Variants in LMOD1 observed in about 807,000 individuals in gnomAD.
LMOD1 encodes leiomodin-1.
Under a neutral mutation model 36.5 loss-of-function variants are expected in LMOD1, and 8 were observed. The observed-to-expected ratio is 0.22, with a 90% CI of 0.13 to 0.40. LMOD1 has a LOEUF of 0.40. Ranked by LOEUF, LMOD1 falls within the 10% of genes least tolerant of loss-of-function variation. The probability of loss-of-function intolerance (pLI) is 1.00; values close to 1 mark genes in which losing one functional copy is unlikely to be tolerated. For missense variants in LMOD1, 630 were observed against 751.1 expected, an observed-to-expected ratio of 0.84 and a Z score of 1.88; for synonymous variants, 284 against 288.7, an observed-to-expected ratio of 0.98 and a Z score of 0.17.
chr1:201,925,941 T>A (rs974223159), intron 1 of LMOD1, among the ~76,000 whole-genome samples: 1 of 152,104 alleles, frequency 6.6e-6, no homozygotes, highest in Non-Finnish European at 1.5e-5. Context: ...CTCGAACTCC[T>A]GGGCTCAAGC....
At chr1:201,943,982 TC>T (rs1172877203) in intron 1 of LMOD1, among the ~76,000 whole-genome samples, 2 of 152,332 alleles carry the variant, frequency 1.3e-5, no homozygotes, top group African/African-American at 2.4e-5. Flanking sequence ...TAGGGTTCAT[TC>T]TCACCCAGAT....
At chr1:201,903,077 A>T (rs765514710) in intron 1 of LMOD1, among the ~76,000 whole-genome samples, 2 of 152,124 alleles carry the variant, frequency 1.3e-5, no homozygotes, top group Non-Finnish European at 2.9e-5. Context: ...GAGGGCAGGG[A>T]AGAAAGGAAA....
At chr1:201,908,023 G>T (rs72744807) in intron 1 of LMOD1, among the ~76,000 whole-genome samples, 13,020 of 152,070 alleles carry the variant, frequency 0.086, 669 homozygotes, top group East Asian at 0.13. Flanking sequence ...AAGAGCTACC[G>T]CTTCAGCCAA....
chr1:201,911,033 C>T (rs1172062445), intron 1 of LMOD1, among the ~76,000 whole-genome samples: 1 of 152,090 alleles, frequency 6.6e-6, no homozygotes, highest in African/African-American at 2.4e-5. Flanking sequence ...CCCACGGTCA[C>T]AGTGATACAC....
intron 1 of LMOD1, among the ~76,000 whole-genome samples, chr1:201,924,083 G>A (rs1398636419): frequency 1.3e-5 from 2 of 151,680 alleles, no homozygotes; most frequent in Non-Finnish European, 2.9e-5. Context: ...TTGGGAGGCC[G>A]AGGCGGGCAG....
intron 1 of LMOD1, among the ~76,000 whole-genome samples, chr1:201,920,003 T>C (rs1269923712): frequency 1.3e-5 from 2 of 151,288 alleles, no homozygotes; most frequent in African/African-American, 4.9e-5. Context: ...AGAAGGAATA[T>C]ATTGGCTTCA....
Position 201,899,870 on chromosome 1 carries a change from G to T in LMOD1, c.1143C>A (p.Ile381=). 1 of 1,614,040 alleles carries T rather than the reference G, an allele frequency of 6.2e-7. No homozygotes were observed. Among genetic ancestry groups the T allele is most frequent in the Non-Finnish European group, 8.5e-7 (1 of 1,179,886 alleles). The change falls in exon 2 of 3, where the codon ATC becomes ATA. Residue 381 remains isoleucine, a synonymous_variant. Transcript: ENST00000367288. This position sits in a 1 kb window ranked among gnomAD's most constrained non-coding sequence, Gnocchi z 6.3. The stretch of plus-strand genomic sequence containing the variant: ...TGATGGTCTTGTTGGCCTTGAGCAT[G>T]ATGGCAATGGCAAAGGCCACGTGGT... ...ADDHVAFAIA[I]MLKANKTITS...
intron 1 of LMOD1, among the ~76,000 whole-genome samples, chr1:201,902,113 A>C (rs923183578): frequency 6.6e-6 from 1 of 151,810 alleles, no homozygotes; most frequent in Admixed American, 6.6e-5. Flanking sequence ...TTAAAATTCT[A>C]TCTACCATCA....
intron 1 of LMOD1, among the ~76,000 whole-genome samples, chr1:201,940,357 T>C (rs1477127129): frequency 6.6e-6 from 1 of 151,178 alleles, no homozygotes; most frequent in African/African-American, 2.4e-5. Flanking sequence ...CAGTTAATTT[T>C]TGTATTTTTA....
At chr1:201,919,982 C>T (rs1681673365) in intron 1 of LMOD1, among the ~76,000 whole-genome samples, 1 of 148,810 alleles carries the variant, frequency 6.7e-6, no homozygotes, top group Non-Finnish European at 1.5e-5. Context: ...GAGCCCAGGA[C>T]TTCAAAGAGT....
chr1:201,898,599 C>T (rs193208211), intron 2 of LMOD1, among the ~76,000 whole-genome samples: 8 of 152,268 alleles, frequency 5.3e-5, no homozygotes, highest in Admixed American at 5.2e-4. Flanking sequence ...TGAGATTTTC[C>T]TTTATCTCAT....
intron 1 of LMOD1, among the ~76,000 whole-genome samples, chr1:201,936,551 C>G (rs979236448): frequency 1.3e-5 from 2 of 152,118 alleles, no homozygotes; most frequent in Non-Finnish European, 2.9e-5. Flanking sequence ...TAACCCTGCC[C>G]CCACCCCAGG....
At chr1:201,904,143 A>G (rs546474152) in intron 1 of LMOD1, among the ~76,000 whole-genome samples, 1 of 152,292 alleles carries the variant, frequency 6.6e-6, no homozygotes, top group African/African-American at 2.4e-5. Context: ...TAGGACTCCC[A>G]TTCAGACCCT....
chr1:201,903,362 A>G (rs2102910637), intron 1 of LMOD1, among the ~76,000 whole-genome samples: 1 of 152,246 alleles, frequency 6.6e-6, no homozygotes, highest in African/African-American at 2.4e-5. Flanking sequence ...CCCAAGGTCC[A>G]GCTGCACTGG....
intron 1 of LMOD1, among the ~76,000 whole-genome samples, chr1:201,923,715 G>A (rs983524000): frequency 2.0e-5 from 3 of 151,872 alleles, no homozygotes; most frequent in South Asian, 2.1e-4. Flanking sequence ...AATACAAAAC[G>A]TTAGCTGAAT....
chr1:201,909,621 G>A (rs1358662208), intron 1 of LMOD1, among the ~76,000 whole-genome samples: 1 of 152,122 alleles, frequency 6.6e-6, no homozygotes, highest in Non-Finnish European at 1.5e-5. Context: ...TCCACAACCT[G>A]AGTTTAATCC....
At chr1:201,940,992 C>A (rs1307990449) in intron 1 of LMOD1, among the ~76,000 whole-genome samples, 1 of 152,042 alleles carries the variant, frequency 6.6e-6, no homozygotes, top group East Asian at 1.9e-4. Context: ...GGTGATCCAC[C>A]CGCCTTGGCC....
Position 201,901,632 on chromosome 1 carries a change from ATATATATATATATATACATATATATG to A in LMOD1, c.262-907_262-882del, listed in dbSNP as rs1558234852. 1.4e-3 allele frequency among the ~76,000 whole-genome samples: 19 copies of A among 13,724 alleles called. 1 individual carries two copies. Among genetic ancestry groups the A allele is most frequent in the African/African-American group, 4.7e-3 (18 of 3,816 alleles). The allele number at this position is 13,724 out of a possible 152,430, so 9.0% of individuals were successfully genotyped here. On this transcript the variant is annotated intron_variant, in intron 1 of 2. Transcript: ENST00000367288. The stretch of plus-strand genomic sequence containing the variant: ...TATACACATATATATGTGTGTGTGT[ATATATATATATATATACATATATATG>A]TGTATATATATATATACACATATAT...
chr1:201,917,322 GC>G (rs1296068081), intron 1 of LMOD1, among the ~76,000 whole-genome samples: 32 of 152,184 alleles, frequency 2.1e-4, no homozygotes, highest in Admixed American at 2.1e-3. Context: ...TTTCACCTAG[GC>G]CCTTACCCCT....
Sources: gnomAD v4.1 joint callset for allele counts (sites outside exome capture counted in the v4.1 genomes callset) on GRCh38, gnomAD v4.1.1 for gene constraint, Gnocchi (gnomAD v3.1) non-coding constraint, MANE v1.5 for transcripts, NCBI Gene and HGNC (gene_info 2026-07-23, HGNC 2026-07-21) for gene names.